The following TRPM3 variants were observed in gnomAD, a reference collection of about 807,000 sequenced individuals.
TRPM3 encodes the protein long transient receptor potential channel 3.
TRPM3 carries 77 observed loss-of-function variants against 181.2 expected under a neutral mutation model. The observed-to-expected ratio is 0.42, with a 90% CI of 0.35 to 0.51. The LOEUF is 0.51. Among genes scored for constraint, TRPM3 ranks in the 20% least tolerant of loss-of-function variants. The probability of loss-of-function intolerance (pLI) is 0.01; values close to 1 mark genes in which losing one functional copy is unlikely to be tolerated. For synonymous variants in TRPM3, 745 were observed against 796.4 expected (o/e 0.94, Z 1.09); for missense variants, 1,759 against 2,196.7 (o/e 0.80, Z 3.98).
intron 1 of TRPM3, among the ~76,000 whole-genome samples, chr9:71,182,322 C>A (rs1339373100): frequency 6.6e-6 from 1 of 152,124 alleles, no homozygotes; most frequent in Non-Finnish European, 1.5e-5. Context: ...CACACAACTC[C>A]CTCTCCATGG....
chr9:70,980,067 G>GCGCACACACACACACACA (rs142852346), intron 1 of TRPM3, among the ~76,000 whole-genome samples: 1 of 137,888 alleles, frequency 7.3e-6, no homozygotes, highest in Non-Finnish European at 1.5e-5. Context: ...GCATGTGCGT[G>GCGCACACACACACACACA]CACACACACA....
intron 1 of TRPM3, among the ~76,000 whole-genome samples, chr9:71,245,349 C>T (rs554146527): frequency 4.5e-4 from 67 of 150,396 alleles, no homozygotes; most frequent in African/African-American, 1.6e-3. Context: ...GAGGCTGAGA[C>T]AGGAGAATAG....
chr9:71,345,579 G>C (rs868065754), intron 1 of TRPM3, among the ~76,000 whole-genome samples: 3 of 152,014 alleles, frequency 2.0e-5, no homozygotes, highest in Middle Eastern at 3.4e-3. Flanking sequence ...TCACACACCA[G>C]GGCCTGTCGG....
chr9:71,256,123 A>G lies in TRPM3; in HGVS notation c.183+190530T>C, dbSNP rs116554264. Among the ~76,000 whole-genome samples, 1,102 of 152,352 alleles carry G rather than the reference A, an allele frequency of 7.2e-3. 15 individuals carry two copies. Among genetic ancestry groups the G allele is most frequent in the African/African-American group, 0.026 (1,068 of 41,572 alleles). Reference sequence around the variant, plus strand: ...CATGAATGCAGAAAAGAGAGAAAGTAGTAAGTAATCTTCAAAGTTACAAAT... The same window carrying G: ...CATGAATGCAGAAAAGAGAGAAAGTGGTAAGTAATCTTCAAAGTTACAAAT... On this transcript the variant is annotated intron_variant, in intron 1 of 24. Transcript: ENST00000357533.
intron 8 of TRPM3, chr9:70,761,308 G>A: frequency 1.6e-6 from 1 of 611,232 alleles, no homozygotes; most frequent in South Asian, 2.0e-5. Flanking sequence ...TTCTCCAGGA[G>A]GGGACCAATT....
At chr9:71,204,304 AC>A (rs1339460418) in intron 1 of TRPM3, among the ~76,000 whole-genome samples, 2 of 151,328 alleles carry the variant, frequency 1.3e-5, no homozygotes, top group Non-Finnish European at 3.0e-5. Context: ...AATTTTTGCA[AC>A]CTACTCATCT....
At chr9:71,114,724 A>C (rs2071919722) in intron 1 of TRPM3, among the ~76,000 whole-genome samples, 1 of 152,170 alleles carries the variant, frequency 6.6e-6, no homozygotes, top group Non-Finnish European at 1.5e-5. Context: ...ATACCTTGGA[A>C]TCTAAGGGAC....
At chr9:71,344,294 T>C (rs2091157907) in intron 1 of TRPM3, among the ~76,000 whole-genome samples, 1 of 151,842 alleles carries the variant, frequency 6.6e-6, no homozygotes, top group South Asian at 2.1e-4. Flanking sequence ...TACCAAAAAA[T>C]ACAAAAATTA....
At chr9:70,693,107 C>T (rs1282517395) in intron 8 of TRPM3, among the ~76,000 whole-genome samples, 2 of 152,146 alleles carry the variant, frequency 1.3e-5, no homozygotes, top group Admixed American at 6.5e-5. Context: ...AGGAAAAGTT[C>T]ATTGAGGTTC....
intron 1 of TRPM3, among the ~76,000 whole-genome samples, chr9:71,145,107 A>G (rs1156701477): frequency 6.6e-6 from 1 of 152,184 alleles, no homozygotes; most frequent in East Asian, 1.9e-4. Flanking sequence ...AATGTTTTGA[A>G]TATTATTCTT....
intron 1 of TRPM3, among the ~76,000 whole-genome samples, chr9:71,420,742 AGAG>A: frequency 1.0e-5 from 1 of 99,450 alleles, no homozygotes; most frequent in Non-Finnish European, 2.1e-5. Context: ...AGAGAAAGAG[AGAG>A]AAAGAGAGAG....
chr9:70,973,774 A>T (rs1369258496), intron 1 of TRPM3, among the ~76,000 whole-genome samples: 1 of 152,208 alleles, frequency 6.6e-6, no homozygotes, highest in African/African-American at 2.4e-5. Flanking sequence ...ACTAACATCA[A>T]TGGAAAGGGA....
At chr9:70,997,991 TAACAAGAA>T (rs572292835) in intron 1 of TRPM3, among the ~76,000 whole-genome samples, 1 of 151,976 alleles carries the variant, frequency 6.6e-6, no homozygotes, top group Non-Finnish European at 1.5e-5. Flanking sequence ...GCCCACACAG[TAACAAGAA>T]ATACCTTGTC....
chr9:70,831,962 A>AATATAT (rs71367232), intron 5 of TRPM3, among the ~76,000 whole-genome samples: 2,447 of 63,746 alleles, frequency 0.038, 65 homozygotes, highest in Non-Finnish European at 0.048. Flanking sequence ...GTACCCCATA[A>AATATAT]ATATATATAT....
At chr9:70,762,420 T>G (rs2078307870) in intron 7 of TRPM3, among the ~76,000 whole-genome samples, 1 of 152,200 alleles carries the variant, frequency 6.6e-6, no homozygotes, top group South Asian at 2.1e-4. Flanking sequence ...CTCAATTATG[T>G]CTTAAATATG....
intron 1 of TRPM3, among the ~76,000 whole-genome samples, chr9:71,327,700 C>G (rs1216992540): frequency 1.6e-4 from 25 of 152,214 alleles, no homozygotes; most frequent in Non-Finnish European, 8.8e-5. Context: ...AAGTTTCCTT[C>G]CACTCTTTTC....
intron 1 of TRPM3, among the ~76,000 whole-genome samples, chr9:71,159,387 T>C (rs1228736707): frequency 1.3e-5 from 2 of 152,058 alleles, no homozygotes; most frequent in African/African-American, 4.8e-5. Context: ...GATAGAATCA[T>C]GTGGAAAAAT....
chr9:70,963,770 T>C (rs2097160412), intron 1 of TRPM3, among the ~76,000 whole-genome samples: 1 of 152,116 alleles, frequency 6.6e-6, no homozygotes, highest in Non-Finnish European at 1.5e-5. Context: ...CAAGCTCTGC[T>C]ATCTTGAAAG....
rs1418139755 is a variant in TRPM3, at chr9:70,618,805, G to T, written c.2358+62C>A. 8 of 1,458,494 alleles carry T rather than the reference G, an allele frequency of 5.5e-6. No individual in the cohort carries two copies. The African/African-American group carries it at 1.1e-4, about 20-fold the overall frequency. The allele number at this position is 1,458,494 out of a possible 1,614,324, so 90.3% of individuals were successfully genotyped here. ...CCCAATTCCATGGCAGATTTTGGCTGGGAAAACTCTAACCCACCCGCCGGT... is the reference window on the plus strand; with the variant it reads ...CCCAATTCCATGGCAGATTTTGGCTTGGAAAACTCTAACCCACCCGCCGGT... On this transcript the variant is annotated intron_variant, in intron 17 of 25. Transcript: ENST00000677713.
Sources: allele counts gnomAD v4.1 joint callset (sites outside exome capture counted in the v4.1 genomes callset), GRCh38; gene constraint gnomAD v4.1.1; transcripts MANE v1.5; gene names NCBI Gene and HGNC (gene_info 2026-07-23, HGNC 2026-07-21).